DCX: variants seen among roughly 807,000 people sequenced by gnomAD.
DCX encodes the protein neuronal migration protein doublecortin.
DCX carries 4 observed loss-of-function variants against 20.9 expected under a neutral mutation model. The observed-to-expected ratio is 0.19, with a 90% CI of 0.09 to 0.44. DCX has a LOEUF of 0.44. DCX is among the 20% of genes least tolerant of loss of function. The pLI is 0.99. For missense variants in DCX, 133 were observed against 296.9 expected (o/e 0.45, Z 4.06); for synonymous variants, 103 against 111.4 (o/e 0.92, Z 0.47).
At position 111,338,901 on chromosome X, in the gene DCX, C is replaced by G. The variant is rs140314330; in HGVS notation, c.706-5748G>C. On this transcript the variant is annotated intron_variant, in intron 3 of 6. Coordinates refer to ENST00000636035, the MANE Select transcript of DCX (RefSeq NM_001195553.2). ...CGATCAGGCTTCCATTCCCATTGCTCCACCAAGGCTGCTCTTGTTAAGGCC... is the reference window on the plus strand; with the variant it reads ...CGATCAGGCTTCCATTCCCATTGCTGCACCAAGGCTGCTCTTGTTAAGGCC... 6.4e-4 allele frequency among the ~76,000 whole-genome samples: 71 copies of G among 111,796 alleles called. 1 individual carries two copies. In the East Asian group the frequency reaches 0.015, roughly 24 times the overall value.
intron 3 of DCX, among the ~76,000 whole-genome samples, chrX:111,370,430 T>G (rs1210047796): frequency 9.0e-6 from 1 of 111,683 alleles, no homozygotes; most frequent in African/African-American, 3.3e-5. Flanking sequence ...AATCAGAAGC[T>G]GCAATTTAAC....
chrX:111,397,517 G>A (rs1353653257), intron 3 of DCX, among the ~76,000 whole-genome samples: 1 of 111,755 alleles, frequency 8.9e-6, no homozygotes, highest in Non-Finnish European at 1.9e-5. Context: ...CCAGACCTGG[G>A]AAATGAGCTG....
intron 6 of DCX, 61 bp from the exon 7 acceptor site, chrX:111,301,804 G>A: frequency 9.7e-7 from 1 of 1,026,174 alleles, no homozygotes; most frequent in East Asian, 3.0e-5. Flanking sequence ...GCTCTGGAAT[G>A]TCTGCTTTAG....
Position 111,318,375 on chromosome X carries a change from T to TAATAATAATAATAAC in DCX, c.947-5654_947-5640dup, listed in dbSNP as rs1225032479. Among the ~76,000 whole-genome samples the TAATAATAATAATAAC allele has an allele frequency of 4.0e-3, 415 of 104,434 alleles. 6 individuals are homozygous for TAATAATAATAATAAC. The highest frequency in any genetic ancestry group is 0.013 in the African/African-American group (384 of 28,668). 90.7% of individuals were successfully genotyped at this position (104,434 alleles called of 115,157 possible). ...AAAACTTAAAGTATAATAATAATAA[T>TAATAATAATAATAAC]AATAATAATAATAACAATAATAATA... On this transcript the variant is annotated intron_variant, in intron 5 of 6. Transcript: ENST00000636035.
chrX:111,311,493 T>C (rs907754476), intron 6 of DCX, among the ~76,000 whole-genome samples: 2 of 112,220 alleles, frequency 1.8e-5, no homozygotes, highest in African/African-American at 6.5e-5. Context: ...TTAATGTCCA[T>C]GGTGTAAATA....
rs758038821 is a variant in DCX at position 111,349,320 on chromosome X, C to G, written c.706-16167G>C. On this transcript the variant is annotated intron_variant, in intron 3 of 6. Transcript: ENST00000636035. ...AATCCCAGAGGCTTAACTGTACCCC[C>G]CTTCCCAGGCTTCCTGAGACTCCAG... 7.2e-5 allele frequency among the ~76,000 whole-genome samples: 8 copies of G among 111,520 alleles called. No individual in the cohort carries two copies. The East Asian group carries it at 8.5e-4, about 12-fold the overall frequency.
In DCX at chrX:111,296,143, A is replaced by G. The variant is rs1294947423; in HGVS notation, c.*5544T>C. ...TGATAACATAGAATATAAACTGAGAACAGAGGAAACTAGACAGAGAAAGAA... is the reference window on the plus strand; with the variant it reads ...TGATAACATAGAATATAAACTGAGAGCAGAGGAAACTAGACAGAGAAAGAA... On this transcript the variant is annotated 3_prime_UTR_variant, in exon 7 of 7. Transcript: ENST00000636035. 4 of 112,163 alleles carry G rather than the reference A, an allele frequency of 3.6e-5. No homozygotes were observed. Among genetic ancestry groups the G allele is most frequent in the African/African-American group, 1.3e-4 (4 of 30,824 alleles). 9.2% of individuals were successfully genotyped at this position (112,163 alleles called of 1,213,427 possible). A position where few individuals can be genotyped will look rare whatever the true frequency, so the allele number is the denominator to read the frequency against.
At chrX:111,366,308 C>T (rs1248201136) in intron 3 of DCX, among the ~76,000 whole-genome samples, 2 of 111,678 alleles carry the variant, frequency 1.8e-5, no homozygotes, top group East Asian at 5.7e-4. Context: ...CAGGCTTCTT[C>T]CCCTGACATT....
At chrX:111,383,570 C>A (rs1926144598) in intron 3 of DCX, among the ~76,000 whole-genome samples, 1 of 111,717 alleles carries the variant, frequency 9.0e-6, no homozygotes, top group Admixed American at 9.5e-5. Context: ...TTATTCAGAG[C>A]ACCTTCACAG....
At chrX:111,353,549 C>A (rs1184965138) in intron 3 of DCX, among the ~76,000 whole-genome samples, 1 of 111,584 alleles carries the variant, frequency 9.0e-6, no homozygotes, top group South Asian at 3.8e-4. Context: ...CTGTCTTTTT[C>A]TCTGTCCCTG....
chrX:111,339,165 TTTA>T (rs1483408812), intron 3 of DCX, among the ~76,000 whole-genome samples: 2 of 112,163 alleles, frequency 1.8e-5, no homozygotes, highest in South Asian at 3.7e-4. Context: ...TTACATCTCT[TTTA>T]TTTTTTATTT....
chrX:111,301,874 A>G, intron 6 of DCX, 131 bp from the exon 7 acceptor site: 2 of 637,500 alleles, frequency 3.1e-6, no homozygotes, highest in Non-Finnish European at 4.9e-6. Context: ...CAGGAAGTTG[A>G]AAAAATGTAC....
In DCX at chrX:111,412,148, C is replaced by T. The variant is rs1928764040; in HGVS notation, c.-33G>A. 1 of 111,664 alleles carries T rather than the reference C, an allele frequency of 9.0e-6. No individual in the cohort carries two copies. Among genetic ancestry groups the T allele is most frequent in the Admixed American group, 9.5e-5 (1 of 10,527 alleles). 9.2% of individuals were successfully genotyped at this position (111,664 alleles called of 1,213,427 possible). Reference sequence around the variant, plus strand: ...AAAAGCCCCACTCACCGGTTTTCTGCTGGTTGGGTGGAGATGCTGAGAGAA... The same window carrying T: ...AAAAGCCCCACTCACCGGTTTTCTGTTGGTTGGGTGGAGATGCTGAGAGAA... On this transcript the variant is annotated 5_prime_UTR_variant, in exon 1 of 7. Transcript: ENST00000636035.
At chrX:111,355,583 C>T (rs1056291000) in intron 3 of DCX, among the ~76,000 whole-genome samples, 2 of 111,560 alleles carry the variant, frequency 1.8e-5, no homozygotes, top group African/African-American at 6.5e-5. Flanking sequence ...GACCTATGCC[C>T]TAATCAGAAA....
intron 5 of DCX, among the ~76,000 whole-genome samples, chrX:111,313,755 T>C (rs890794074): frequency 9.0e-6 from 1 of 111,372 alleles, no homozygotes; most frequent in Admixed American, 9.6e-5. Context: ...AAGTGGATTC[T>C]TGTTCAGACA....
rs904238707 is a variant in DCX at position 111,294,438 on chromosome X, T to G, written c.*7249A>C. On this transcript the variant is annotated 3_prime_UTR_variant, in exon 7 of 7. Transcript: ENST00000636035. ...ACTGTCTTTGGATTACATGTGATTC[T>G]GAAAACTATTCAATCCTGAAATGTA... The G allele has an allele frequency of 1.8e-5, 2 of 111,774 alleles. No homozygotes were observed. The highest frequency in any genetic ancestry group is 3.8e-5 in the Non-Finnish European group (2 of 53,224). 9.2% of individuals were successfully genotyped at this position (111,774 alleles called of 1,213,427 possible).
At chrX:111,309,688 G>A (rs551014530) in intron 6 of DCX, among the ~76,000 whole-genome samples, 303 of 111,317 alleles carry the variant, frequency 2.7e-3, no homozygotes, top group African/African-American at 8.9e-3. Flanking sequence ...ATTGAAAGGC[G>A]TTCTACCAAA....
chrX:111,357,060 T>C (rs973881317), intron 3 of DCX, among the ~76,000 whole-genome samples: 5 of 112,388 alleles, frequency 4.4e-5, no homozygotes, highest in African/African-American at 1.6e-4. Context: ...TTGTAAGTTT[T>C]CACATTTAGA....
intron 5 of DCX, among the ~76,000 whole-genome samples, chrX:111,319,606 A>G (rs2095081832): frequency 8.9e-6 from 1 of 112,319 alleles, no homozygotes; most frequent in South Asian, 3.8e-4. Flanking sequence ...TACTCTTTGT[A>G]GGAAATGAAG....
Sources: gnomAD v4.1 joint callset for allele counts (sites outside exome capture counted in the v4.1 genomes callset) on GRCh38, gnomAD v4.1.1 for gene constraint, MANE v1.5 for transcripts, NCBI Gene and HGNC (gene_info 2026-07-23, HGNC 2026-07-21) for gene names.